Variants in RANBP2 observed in about 807,000 individuals in gnomAD.
The protein encoded by RANBP2 is E3 SUMO-protein ligase RanBP2.
Under a neutral mutation model 303.6 loss-of-function variants are expected in RANBP2, and 57 were observed. The observed-to-expected ratio is 0.19, with a 90% CI of 0.15 to 0.23. The LOEUF (loss-of-function observed/expected upper bound fraction) is 0.23. Among genes scored for constraint, RANBP2 ranks in the 10% least tolerant of loss-of-function variants. RANBP2 has a pLI of 1.00. For synonymous variants in RANBP2, 1,167 were observed against 1,301.5 expected, an observed-to-expected ratio of 0.90 and a Z score of 2.23; for missense variants, 3,138 against 3,780.8, an observed-to-expected ratio of 0.83 and a Z score of 4.46.
At chr2:108,776,342 G>A (rs35387031) in intron 24 of RANBP2, among the ~76,000 whole-genome samples, 4 of 152,068 alleles carry the variant, frequency 2.6e-5, no homozygotes, top group African/African-American at 4.8e-5. Context: ...AAGTTTTATG[G>A]TACTACTTAA....
intron 12 of RANBP2, among the ~76,000 whole-genome samples, 198 bp from the exon 13 acceptor site, chr2:108,752,800 A>T (rs1329871352): frequency 2.0e-5 from 3 of 151,944 alleles, no homozygotes; most frequent in Non-Finnish European, 4.4e-5. Flanking sequence ...CTCAAAAAAA[A>T]AAAAAAGTTG....
chr2:109,551,543 C>G, the RANBP2 span, among the ~76,000 whole-genome samples: 1 of 152,172 alleles, frequency 6.6e-6, no homozygotes, highest in South Asian at 2.1e-4. Context: ...CTGGGGAAAT[C>G]TGAATAAGGA....
the RANBP2 span, among the ~76,000 whole-genome samples, chr2:109,494,972 G>A: frequency 1.1e-4 from 17 of 152,118 alleles, no homozygotes; most frequent in Non-Finnish European, 2.1e-4. Context: ...ATCTGGGGCC[G>A]GGTCAGCGAG....
the RANBP2 span, among the ~76,000 whole-genome samples, chr2:108,823,635 G>A: frequency 6.6e-6 from 1 of 152,050 alleles, no homozygotes; most frequent in South Asian, 2.1e-4. Context: ...GAAGTATTTG[G>A]GTATCTAAAC....
At chr2:109,138,026 CT>C in the RANBP2 span, among the ~76,000 whole-genome samples, 7 of 151,586 alleles carry the variant, frequency 4.6e-5, no homozygotes, top group African/African-American at 1.7e-4. Context: ...ATCAAAATTT[CT>C]TTTTTTTTGA....
the RANBP2 span, among the ~76,000 whole-genome samples, chr2:109,584,043 C>G: frequency 6.6e-6 from 1 of 152,172 alleles, no homozygotes; most frequent in Non-Finnish European, 1.5e-5. Flanking sequence ...TGGTACTATG[C>G]TCACTACCTG....
At chr2:109,023,321 A>T in the RANBP2 span, among the ~76,000 whole-genome samples, 1 of 152,264 alleles carries the variant, frequency 6.6e-6, no homozygotes, top group Non-Finnish European at 1.5e-5. Context: ...AATATGACCT[A>T]GGAAACAGAA....
the RANBP2 span, among the ~76,000 whole-genome samples, chr2:109,332,804 G>A: frequency 1.3e-5 from 2 of 152,174 alleles, no homozygotes; most frequent in African/African-American, 4.8e-5. Context: ...AATAGGACTC[G>A]GAATCACCCT....
chr2:109,276,791 A>G, the RANBP2 span, among the ~76,000 whole-genome samples: 1 of 152,142 alleles, frequency 6.6e-6, no homozygotes, highest in Admixed American at 6.5e-5. Flanking sequence ...ACTTACATAT[A>G]TATATACTAC....
the RANBP2 span, among the ~76,000 whole-genome samples, chr2:109,003,098 C>T: frequency 6.8e-6 from 1 of 146,340 alleles, no homozygotes; most frequent in African/African-American, 2.5e-5. Context: ...CCCAGCTACT[C>T]GGGAGGCTGA....
chr2:109,006,142 G>A, the RANBP2 span, among the ~76,000 whole-genome samples: 555 of 152,260 alleles, frequency 3.6e-3, 3 homozygotes, highest in Middle Eastern at 0.027. Flanking sequence ...GTGGAGTGAC[G>A]CTACTGGCTG....
chr2:109,375,863 A>G, the RANBP2 span, among the ~76,000 whole-genome samples: 6 of 152,214 alleles, frequency 3.9e-5, no homozygotes, highest in Non-Finnish European at 8.8e-5. Context: ...TGAGCAGCCC[A>G]TGGGCAGTTC....
the RANBP2 span, among the ~76,000 whole-genome samples, chr2:108,978,529 G>A: frequency 1.3e-5 from 2 of 152,176 alleles, no homozygotes; most frequent in Non-Finnish European, 1.5e-5. Context: ...TAGGGAACAT[G>A]CAGATCCTCC....
At chr2:109,225,890 C>T in the RANBP2 span, among the ~76,000 whole-genome samples, 3 of 152,186 alleles carry the variant, frequency 2.0e-5, no homozygotes, top group Non-Finnish European at 4.4e-5. Flanking sequence ...CTCAGCCTCC[C>T]GAGTAGCTGG....
chr2:109,029,701 C>G, the RANBP2 span, among the ~76,000 whole-genome samples: 5 of 152,216 alleles, frequency 3.3e-5, no homozygotes, highest in Non-Finnish European at 7.3e-5. Flanking sequence ...CTCTGTTCCC[C>G]TCTCCTTTCC....
the RANBP2 span, among the ~76,000 whole-genome samples, chr2:109,265,963 T>C: frequency 1.6e-4 from 25 of 152,090 alleles, no homozygotes; most frequent in African/African-American, 5.8e-4. Flanking sequence ...GAGAAATCCT[T>C]GGGAGCCCAG....
At chr2:108,954,408 TC>T in the RANBP2 span, among the ~76,000 whole-genome samples, 1 of 152,196 alleles carries the variant, frequency 6.6e-6, no homozygotes. Flanking sequence ...ACCTGCCCTC[TC>T]TCGCCCTGCA....
chr2:109,636,911 T>C, the RANBP2 span, among the ~76,000 whole-genome samples: 6 of 152,050 alleles, frequency 3.9e-5, no homozygotes, highest in African/African-American at 9.7e-5. Context: ...GAAAGAGAGA[T>C]AAGACACAGA....
At chr2:108,781,554 C>G (rs1157364100) in intron 26 of RANBP2, 125 bp downstream of exon 26, 8 of 857,044 alleles carry the variant, frequency 9.3e-6, no homozygotes, top group Non-Finnish European at 1.5e-5. Context: ...AATGGAAGCT[C>G]TATTTATTAG....
Sources: allele counts gnomAD v4.1 joint callset (sites outside exome capture counted in the v4.1 genomes callset), GRCh38; gene constraint gnomAD v4.1.1; transcripts MANE v1.5; gene names NCBI Gene and HGNC (gene_info 2026-07-23, HGNC 2026-07-21).